Variants in KLHL15 observed in about 807,000 individuals in gnomAD.
KLHL15 encodes kelch like family member 15, also known as kelch-like protein 15.
KLHL15 carries 1 observed loss-of-function variant against 29.3 expected under a neutral mutation model. The ratio of observed to expected loss-of-function variants is 0.03; its 90% CI spans 0.01 to 0.16. KLHL15 has a LOEUF of 0.16. Ranked by LOEUF, KLHL15 falls within the 10% of genes least tolerant of loss-of-function variation. The pLI is 1.00. For missense variants in KLHL15, 215 were observed against 478.5 expected (o/e 0.45, Z 5.14); for synonymous variants, 212 against 184.5 (o/e 1.15, Z -1.21).
intron 3 of KLHL15, among the ~76,000 whole-genome samples, chrX:24,003,113 C>T (rs915305781): frequency 8.9e-6 from 1 of 112,318 alleles, no homozygotes; most frequent in Non-Finnish European, 1.9e-5. Context: ...GGGTCTTCTC[C>T]CTATTCTATT....
intron 2 of KLHL15, among the ~76,000 whole-genome samples, chrX:24,017,311 C>T (rs1602016272): frequency 9.0e-6 from 1 of 110,520 alleles, no homozygotes; most frequent in Non-Finnish European, 1.9e-5. Flanking sequence ...TACTGTGTGA[C>T]CTACAGAAAT....
intron 2 of KLHL15, among the ~76,000 whole-genome samples, chrX:24,008,880 A>AC (rs1555977252): frequency 2.8e-5 from 3 of 106,492 alleles, no homozygotes; most frequent in African/African-American, 1.0e-4. Flanking sequence ...AGAAAAAAAA[A>AC]AAACAAAACA....
intron 2 of KLHL15, among the ~76,000 whole-genome samples, chrX:24,012,946 A>G (rs533137547): frequency 7.1e-5 from 8 of 111,966 alleles, no homozygotes; most frequent in African/African-American, 9.7e-5. Context: ...ATCGAAAGCT[A>G]TATCATTTCA....
At chrX:24,022,008 G>A (rs184077725) in intron 2 of KLHL15, among the ~76,000 whole-genome samples, 54 of 111,254 alleles carry the variant, frequency 4.9e-4, no homozygotes, top group Non-Finnish European at 8.5e-4. Flanking sequence ...TCATTTGCGG[G>A]GACTCTTGTT....
chrX:24,018,134 C>T (rs1475542978), intron 2 of KLHL15, among the ~76,000 whole-genome samples: 1 of 111,442 alleles, frequency 9.0e-6, no homozygotes, highest in African/African-American at 3.3e-5. Flanking sequence ...AGAATTATAT[C>T]AATTTAAGGA....
intron 2 of KLHL15, among the ~76,000 whole-genome samples, chrX:24,011,708 T>C (rs1422459748): frequency 9.1e-6 from 1 of 109,875 alleles, no homozygotes; most frequent in Admixed American, 9.7e-5. Context: ...GAGGCTGAGG[T>C]GAGAGAATCA....
intron 3 of KLHL15, among the ~76,000 whole-genome samples, chrX:24,000,512 C>G (rs1385335802): frequency 9.0e-6 from 1 of 111,634 alleles, no homozygotes; most frequent in Non-Finnish European, 1.9e-5. Context: ...GTGTCAAACA[C>G]AGCACTGCTT....
rs771648701 is a variant in KLHL15, at chrX:24,006,562, G to C, written c.132C>G (p.Ala44=). 7.4e-6 allele frequency: 9 copies of C among 1,208,302 alleles called. No homozygotes were observed. Among genetic ancestry groups the C allele is most frequent in the Non-Finnish European group, 8.9e-6 (8 of 894,611 alleles). ...TCTGGGTGGCCAAGAGTGCTTTATG[G>C]GCCTGGAACTGATGATCTTCAATAA... The part of the protein sequence containing the change: ...TLVIEDHQFQ[A]HKALLATQSD... Residue 44 remains alanine, a synonymous_variant, in exon 3 of 4, where the codon GCC becomes GCG. Coordinates refer to ENST00000328046, the MANE Select transcript of KLHL15 (RefSeq NM_030624.3).
At chrX:23,994,046 CAAAAAA>C (rs35880434) in intron 3 of KLHL15, among the ~76,000 whole-genome samples, 5 of 57,808 alleles carry the variant, frequency 8.6e-5, no homozygotes, top group Non-Finnish European at 1.7e-4. Context: ...GACCTTGTCT[CAAAAAA>C]AAAAAAAAAA....
chrX:24,014,439 A>G (rs778717039), intron 2 of KLHL15, among the ~76,000 whole-genome samples: 43 of 111,781 alleles, frequency 3.8e-4, no homozygotes, highest in African/African-American at 1.3e-3. Context: ...GAAAAGGTCT[A>G]AAACAGCTAA....
At chrX:24,023,453 G>A (rs780162000) in intron 2 of KLHL15, among the ~76,000 whole-genome samples, 27 of 112,007 alleles carry the variant, frequency 2.4e-4, no homozygotes, top group African/African-American at 7.8e-4. Flanking sequence ...TGGACTAGAG[G>A]ATTATAAATT....
At chrX:24,001,825 A>AAAG (rs1412751103) in intron 3 of KLHL15, among the ~76,000 whole-genome samples, 10 of 100,423 alleles carry the variant, frequency 1.0e-4, no homozygotes, top group African/African-American at 1.5e-4. Context: ...AAAAAAAAAA[A>AAAG]AAGAAGAAGA....
intron 2 of KLHL15, among the ~76,000 whole-genome samples, chrX:24,012,155 AAAAAAAT>A (rs769775141): frequency 1.4e-3 from 163 of 112,895 alleles, no homozygotes; most frequent in Non-Finnish European, 1.9e-3. Context: ...ACCCTGTCTC[AAAAAAAT>A]AAAAAATAAA....
chrX:24,003,187 C>G, intron 3 of KLHL15, among the ~76,000 whole-genome samples: 1 of 111,833 alleles, frequency 8.9e-6, no homozygotes, highest in Non-Finnish European at 1.9e-5. Flanking sequence ...GACAGTGCCA[C>G]TTGGTCTGGA....
intron 2 of KLHL15, among the ~76,000 whole-genome samples, chrX:24,007,491 CAA>C (rs1173565203): frequency 0.021 from 1,285 of 62,133 alleles, 39 homozygotes; most frequent in African/African-American, 0.078. Flanking sequence ...ACCCCATTTC[CAA>C]AAAAAAAAAA....
intron 2 of KLHL15, among the ~76,000 whole-genome samples, chrX:24,013,269 A>T (rs979723010): frequency 1.7e-4 from 18 of 105,912 alleles, no homozygotes; most frequent in Non-Finnish European, 2.2e-4. Flanking sequence ...TTAAAAAAAA[A>T]TTTTTTTTTT....
intron 2 of KLHL15, among the ~76,000 whole-genome samples, chrX:24,023,418 G>A (rs1483896893): frequency 8.9e-6 from 1 of 111,857 alleles, no homozygotes; most frequent in Non-Finnish European, 1.9e-5. Flanking sequence ...AAACACAAAA[G>A]CATACTCTGA....
rs1181165630 is a variant in KLHL15, at chrX:23,990,813, T to A, written c.706-1783A>T. ...CTCTTTCCTTTCCTCCTTCCTATCT[T>A]TCTTTCTTTAGCCCATTCACTAATT... On this transcript the variant is annotated intron_variant, in intron 3 of 3. Transcript: ENST00000328046. Among the ~76,000 whole-genome samples the A allele has an allele frequency of 1.8e-5, 2 of 110,994 alleles. 1 individual carries two copies.
intron 2 of KLHL15, among the ~76,000 whole-genome samples, chrX:24,015,100 C>G (rs60749129): frequency 8.9e-6 from 1 of 112,088 alleles, no homozygotes; most frequent in South Asian, 3.7e-4. Context: ...AGAATAAATT[C>G]TTCCTCTTTA....
Sources: gnomAD v4.1 joint callset for allele counts (sites outside exome capture counted in the v4.1 genomes callset) on GRCh38, gnomAD v4.1.1 for gene constraint, MANE v1.5 for transcripts, NCBI Gene and HGNC (gene_info 2026-07-23, HGNC 2026-07-21) for gene names.